Variants in ACOT12 observed in about 807,000 individuals in gnomAD.
ACOT12 encodes acyl-CoA thioesterase 12, also known as acetyl-coenzyme A thioesterase.
A neutral mutation model predicts 67.7 loss-of-function variants in ACOT12; 51 were observed. The ratio of observed to expected loss-of-function variants is 0.75; its 90% CI spans 0.60 to 0.95. The LOEUF is 0.95. Among genes scored for constraint, ACOT12 ranks in the 40% least tolerant of loss-of-function variants. The pLI, the probability that ACOT12 is intolerant of heterozygous loss-of-function variation, is 0.00. For missense variants in ACOT12, 734 were observed against 708.1 expected (o/e 1.04, Z -0.41); for synonymous variants, 251 against 244.6 (o/e 1.03, Z -0.24).
intron 2 of ACOT12, among the ~76,000 whole-genome samples, chr5:81,375,176 C>G (rs7718935): frequency 0.63 from 95,140 of 152,154 alleles, 32,027 homozygotes; most frequent in African/African-American, 0.86. Context: ...AAGAGAGTGG[C>G]GGCCAATATT....
At chr5:81,332,050 C>T (rs1257595904) in intron 13 of ACOT12, among the ~76,000 whole-genome samples, 3 of 152,078 alleles carry the variant, frequency 2.0e-5, no homozygotes, top group Non-Finnish European at 4.4e-5. Flanking sequence ...CTGAGAAGTT[C>T]AATGTACATG....
the ACOT12 span, among the ~76,000 whole-genome samples, chr5:81,320,766 G>A: frequency 1.3e-5 from 2 of 152,214 alleles, no homozygotes; most frequent in African/African-American, 2.4e-5. Flanking sequence ...GGAATTATTA[G>A]AGAAAATATA....
At chr5:81,349,772 G>A (rs541836607) in intron 5 of ACOT12, among the ~76,000 whole-genome samples, 1 of 152,060 alleles carries the variant, frequency 6.6e-6, no homozygotes, top group African/African-American at 2.4e-5. Context: ...TAAATGAAAT[G>A]AATGAATAAA....
intron 2 of ACOT12, among the ~76,000 whole-genome samples, chr5:81,382,315 C>A (rs917847345): frequency 6.6e-6 from 1 of 152,114 alleles, no homozygotes; most frequent in African/African-American, 2.4e-5. Context: ...GGAATCAGGA[C>A]TCCTTGGAGA....
At chr5:81,357,585 T>G (rs1454506459) in intron 5 of ACOT12, among the ~76,000 whole-genome samples, 1 of 152,098 alleles carries the variant, frequency 6.6e-6, no homozygotes, top group Non-Finnish European at 1.5e-5. Flanking sequence ...GGCAGCAGCT[T>G]GATCTAGAGA....
At chr5:81,335,014 AG>A (rs1398341648) in intron 12 of ACOT12, among the ~76,000 whole-genome samples, 1 of 152,194 alleles carries the variant, frequency 6.6e-6, no homozygotes, top group Non-Finnish European at 1.5e-5. Context: ...CTCACCAGGG[AG>A]GGTTGCTTCA....
chr5:81,348,224 A>G (rs1759442454), intron 5 of ACOT12, among the ~76,000 whole-genome samples: 1 of 152,074 alleles, frequency 6.6e-6, no homozygotes, highest in Admixed American at 6.5e-5. Flanking sequence ...CTGAAACTTG[A>G]GTTGTTTGTG....
At position 81,347,768 on chromosome 5, in the gene ACOT12, A is replaced by T. The variant is rs764764523; in HGVS notation, c.653+6T>A. The T allele has an allele frequency of 4.3e-5, 69 of 1,613,552 alleles. No individual in the cohort carries two copies. The highest frequency in any genetic ancestry group is 3.6e-5 in the Non-Finnish European group (43 of 1,179,788). On this transcript the variant is annotated splice_donor_region_variant and intron_variant, in intron 6 of 14. Coordinates refer to ENST00000307624, the MANE Select transcript of ACOT12 (RefSeq NM_130767.3). The stretch of plus-strand genomic sequence containing the variant: ...AAATCATAGGCCGAAGGTCAAAACC[A>T]AGAACCTTGCAGAAATAGTAGCCAC...
intron 9 of ACOT12, 32 bp from the exon 10 acceptor site, chr5:81,343,913 G>GT (rs1180578328): frequency 7.6e-6 from 12 of 1,583,570 alleles, no homozygotes; most frequent in South Asian, 5.6e-5. Flanking sequence ...TTAAATGACA[G>GT]TTTTTTTCTC....
the ACOT12 span, among the ~76,000 whole-genome samples, chr5:81,317,499 C>A: frequency 8.1e-6 from 1 of 123,828 alleles, no homozygotes; most frequent in South Asian, 2.6e-4. Flanking sequence ...GAGACTCCAT[C>A]CCAAAAAAAA....
chr5:81,344,102 A>G, intron 9 of ACOT12, 58 bp downstream of exon 9: 2 of 1,554,564 alleles, frequency 1.3e-6, no homozygotes, highest in South Asian at 1.1e-5. Flanking sequence ...GGGGGCTCTT[A>G]TATAATTTGT....
At position 81,393,978 on chromosome 5, in the gene ACOT12, G is replaced by T. The variant is rs1373162352; in HGVS notation, c.127+10C>A. On this transcript the variant is annotated intron_variant, in intron 1 of 14. Transcript: ENST00000307624. ...TCCCGCGCCTCCCCGCAGCCCCGGCGCCCGCCTACCCGCCAGGCAGGCGGT... is the reference window on the plus strand; with the variant it reads ...TCCCGCGCCTCCCCGCAGCCCCGGCTCCCGCCTACCCGCCAGGCAGGCGGT... 7.5e-7 allele frequency: 1 copy of T among 1,339,054 alleles called. No individual in the cohort carries two copies. The highest frequency in any genetic ancestry group is 9.5e-7 in the Non-Finnish European group (1 of 1,050,564). 82.9% of individuals were successfully genotyped at this position (1,339,054 alleles called of 1,614,324 possible).
At chr5:81,382,758 C>T (rs969264324) in intron 2 of ACOT12, among the ~76,000 whole-genome samples, 4 of 151,280 alleles carry the variant, frequency 2.6e-5, no homozygotes, top group African/African-American at 4.9e-5. Flanking sequence ...GCTGAGATTG[C>T]GCCATCGCAC....
chr5:81,323,896 ACG>A, the ACOT12 span, among the ~76,000 whole-genome samples: 1 of 137,778 alleles, frequency 7.3e-6, no homozygotes, highest in Non-Finnish European at 1.6e-5. Flanking sequence ...ATACATATAT[ACG>A]TATATATACA....
At chr5:81,393,853 AC>A in intron 1 of ACOT12, 134 bp downstream of exon 1, 1 of 1,003,718 alleles carries the variant, frequency 1.0e-6, no homozygotes, top group Non-Finnish European at 1.3e-6. Context: ...CTGTTGCAAC[AC>A]CCCTATCCCT....
At position 81,353,336 on chromosome 5, in the gene ACOT12, C is replaced by T. The variant is rs192710026; in HGVS notation, c.497-5406G>A. Among the ~76,000 whole-genome samples, 36 of 152,306 alleles carry T rather than the reference C, an allele frequency of 2.4e-4. 1 individual carries two copies. Among genetic ancestry groups the T allele is most frequent in the African/African-American group, 7.5e-4 (31 of 41,566 alleles). Reference sequence around the variant, plus strand: ...CCAGGTTCAGAGAGCAATTCAGGCTCGCAGTTCTGGTTTGGGTTAAGTAAA... The same window carrying T: ...CCAGGTTCAGAGAGCAATTCAGGCTTGCAGTTCTGGTTTGGGTTAAGTAAA... On this transcript the variant is annotated intron_variant, in intron 5 of 14. Transcript: ENST00000307624.
intron 2 of ACOT12, among the ~76,000 whole-genome samples, chr5:81,378,154 C>T (rs1760475169): frequency 6.6e-6 from 1 of 152,160 alleles, no homozygotes. Context: ...ACCAATGGAA[C>T]AGAACAGAGG....
At chr5:81,323,102 CA>C in the ACOT12 span, among the ~76,000 whole-genome samples, 1 of 128,890 alleles carries the variant, frequency 7.8e-6, no homozygotes, top group African/African-American at 2.9e-5. Context: ...AAAAAAAAAA[CA>C]GCAGAGAGAC....
chr5:81,379,488 A>T (rs527671363), intron 2 of ACOT12, among the ~76,000 whole-genome samples: 131 of 152,152 alleles, frequency 8.6e-4, no homozygotes, highest in South Asian at 3.7e-3. Flanking sequence ...ATAATAATAA[A>T]AAAAAAAGCA....
Sources: allele counts gnomAD v4.1 joint callset (sites outside exome capture counted in the v4.1 genomes callset), GRCh38; gene constraint gnomAD v4.1.1; transcripts MANE v1.5; gene names NCBI Gene and HGNC (gene_info 2026-07-23, HGNC 2026-07-21).